XYLT1: variants seen among roughly 807,000 people sequenced by gnomAD.
XYLT1 encodes the protein xylosyltransferase 1, also known as beta-D-xylosyltransferase 1.
Under a neutral mutation model 91.3 loss-of-function variants are expected in XYLT1, and 36 were observed. The observed-to-expected ratio is 0.39, with a 90% confidence interval of 0.30 to 0.52. The LOEUF (loss-of-function observed/expected upper bound fraction) is 0.52. XYLT1 is among the 20% of genes least tolerant of loss of function. The pLI is 0.68. For synonymous variants in XYLT1, 588 were observed against 532.0 expected (o/e 1.11, Z -1.45); for missense variants, 1,242 against 1,284.5 (o/e 0.97, Z 0.51).
At chr16:17,182,615 G>T (rs960552051) in intron 5 of XYLT1, among the ~76,000 whole-genome samples, 16 of 147,118 alleles carry the variant, frequency 1.1e-4, no homozygotes, top group Non-Finnish European at 1.6e-4. Context: ...GTAGTGGAAT[G>T]ACTTGATGGT....
At chr16:17,338,170 T>G (rs2035014086) in intron 2 of XYLT1, 1 of 456,340 alleles carries the variant, frequency 2.2e-6, no homozygotes, top group African/African-American at 2.0e-5. Flanking sequence ...GAACTGAATG[T>G]CCCCTTTTCT....
chr16:17,134,621 G>A lies in XYLT1; in HGVS notation c.1879C>T (p.Leu627=). Residue 627 remains leucine, a synonymous_variant, in exon 9 of 12, where the codon CTG becomes TTG. Coordinates refer to ENST00000261381, the MANE Select transcript of XYLT1 (RefSeq NM_022166.4). ...TAGACATTCTCCCAGTAGGAGCGCA[G>A]GCCCGGGGTACCTGCAGGGTAGTTC... is the stretch of plus-strand genomic sequence containing the variant. ...YGNYPAGTPG[L]RSYWENVYDE... 1 of 1,614,236 alleles carries A rather than the reference G, an allele frequency of 6.2e-7. No individual in the cohort carries two copies. The highest frequency in any genetic ancestry group is 8.5e-7 in the Non-Finnish European group (1 of 1,180,050).
At position 17,102,808 on chromosome 16, in the gene XYLT1, T is replaced by A. The variant is rs189168057; in HGVS notation, c.*5887A>T. 2.9e-4 allele frequency: 45 copies of A among 152,770 alleles called. No homozygotes were observed. Among genetic ancestry groups the A allele is most frequent in the Non-Finnish European group, 5.9e-4 (40 of 68,034 alleles). The allele number at this position is 152,770 out of a possible 1,614,324, so 9.5% of individuals were successfully genotyped here. Reference sequence around the variant, plus strand: ...CATTACAAAATATTTCTGTACAGTTTTATGCATATTATGATCTATAACAAA... The same window carrying A: ...CATTACAAAATATTTCTGTACAGTTATATGCATATTATGATCTATAACAAA... On this transcript the variant is annotated 3_prime_UTR_variant, in exon 12 of 12. Transcript: ENST00000261381.
chr16:17,118,620 G>A (rs866285577), intron 10 of XYLT1, among the ~76,000 whole-genome samples: 7 of 152,088 alleles, frequency 4.6e-5, no homozygotes, highest in African/African-American at 1.7e-4. Flanking sequence ...CCAGCTGGGG[G>A]TGTGTGCAGC....
intron 11 of XYLT1, 139 bp from the exon 12 acceptor site, chr16:17,109,156 CT>C: frequency 1.1e-6 from 1 of 940,024 alleles, no homozygotes; most frequent in Non-Finnish European, 1.5e-6. Flanking sequence ...TGAGGAAGTT[CT>C]TTTAGCAGTC....
intron 2 of XYLT1, among the ~76,000 whole-genome samples, chr16:17,333,653 T>A (rs556589345): frequency 6.7e-6 from 1 of 149,620 alleles, no homozygotes; most frequent in South Asian, 2.1e-4. Flanking sequence ...AGTGGAGCCA[T>A]CTGGGCTCAC....
intron 11 of XYLT1, among the ~76,000 whole-genome samples, chr16:17,115,624 G>A (rs985556753): frequency 2.6e-5 from 4 of 151,254 alleles, no homozygotes; most frequent in African/African-American, 9.7e-5. Flanking sequence ...GACTATAGAC[G>A]CCGGCCACCA....
At chr16:17,149,676 T>C (rs2031235233) in intron 6 of XYLT1, among the ~76,000 whole-genome samples, 1 of 152,236 alleles carries the variant, frequency 6.6e-6, no homozygotes, top group Non-Finnish European at 1.5e-5. Context: ...TTTTCTCTAC[T>C]GGCACAAAGT....
chr16:17,438,695 T>C (rs545931398), intron 1 of XYLT1, among the ~76,000 whole-genome samples: 2 of 152,182 alleles, frequency 1.3e-5, no homozygotes, highest in African/African-American at 2.4e-5. Context: ...CTTACAATCA[T>C]GGCAGAAGGT....
intron 3 of XYLT1, among the ~76,000 whole-genome samples, chr16:17,248,689 A>C (rs1321108705): frequency 6.6e-6 from 1 of 151,656 alleles, no homozygotes; most frequent in Non-Finnish European, 1.5e-5. Flanking sequence ...TCTTAGCTCA[A>C]CTATAAAACA....
chr16:17,139,775 G>A (rs1231197079), intron 7 of XYLT1, among the ~76,000 whole-genome samples: 1 of 152,222 alleles, frequency 6.6e-6, no homozygotes, highest in African/African-American at 2.4e-5. Flanking sequence ...TGAGAGAAGA[G>A]GTGATTGATT....
At chr16:17,341,754 G>T (rs1417156349) in intron 2 of XYLT1, among the ~76,000 whole-genome samples, 1 of 152,166 alleles carries the variant, frequency 6.6e-6, no homozygotes, top group Non-Finnish European at 1.5e-5. Context: ...TTCATCATGT[G>T]CTTGTATTGC....
chr16:17,155,374 A>G (rs1484365911), intron 6 of XYLT1, among the ~76,000 whole-genome samples: 13 of 152,242 alleles, frequency 8.5e-5, no homozygotes, highest in Admixed American at 8.5e-4. Context: ...TATAATTTGC[A>G]CAGCTTGATT....
At chr16:17,200,183 G>A (rs1393151832) in intron 4 of XYLT1, among the ~76,000 whole-genome samples, 3 of 151,582 alleles carry the variant, frequency 2.0e-5, no homozygotes, top group African/African-American at 4.9e-5. Flanking sequence ...ATCATGCCAC[G>A]GCACTCCAGC....
At position 17,102,229 on chromosome 16, in the gene XYLT1, A is replaced by C. The variant is rs761053928; in HGVS notation, c.*6466T>G. ...TCCCAGTTTGGATGATAAATTATAT[A>C]GTCATCCTATCTTCACCATGCAGAT... is the stretch of plus-strand genomic sequence containing the variant. On this transcript the variant is annotated 3_prime_UTR_variant, in exon 12 of 12. Transcript: ENST00000261381. 4 of 152,564 alleles carry C rather than the reference A, an allele frequency of 2.6e-5. No homozygotes were observed. Among genetic ancestry groups the C allele is most frequent in the Non-Finnish European group, 4.4e-5 (3 of 68,048 alleles). 9.5% of individuals were successfully genotyped at this position (152,564 alleles called of 1,614,324 possible). A position where few individuals can be genotyped will look rare whatever the true frequency, so the allele number is the denominator to read the frequency against.
intron 1 of XYLT1, among the ~76,000 whole-genome samples, chr16:17,442,830 T>C (rs2036547501): frequency 2.0e-5 from 3 of 152,088 alleles, no homozygotes; most frequent in Admixed American, 1.3e-4. Flanking sequence ...AATTAGCAAC[T>C]TCATGGCTTA....
At chr16:17,159,421 C>T (rs939812815) in intron 5 of XYLT1, among the ~76,000 whole-genome samples, 1 of 152,206 alleles carries the variant, frequency 6.6e-6, no homozygotes, top group Non-Finnish European at 1.5e-5. Flanking sequence ...TATTACATCA[C>T]TCTGTTTATA....
At chr16:17,344,278 T>C (rs371108401) in intron 2 of XYLT1, among the ~76,000 whole-genome samples, 22 of 149,994 alleles carry the variant, frequency 1.5e-4, no homozygotes, top group East Asian at 3.9e-4. Flanking sequence ...GTCAGGAGAT[T>C]GAGACCATCC....
At position 17,127,154 on chromosome 16, in the gene XYLT1, C is replaced by T. The variant is rs141496036; in HGVS notation, c.2223+512G>A. ...CTGTCCATCCATCCTTCCTTCAATC[C>T]ATCATTCATCTACTCATCTAATCAT... is the stretch of plus-strand genomic sequence containing the variant. On this transcript the variant is annotated intron_variant, in intron 10 of 11. Coordinates refer to ENST00000261381, the MANE Select transcript of XYLT1 (RefSeq NM_022166.4). Among the ~76,000 whole-genome samples the T allele has an allele frequency of 5.7e-3, 870 of 152,242 alleles. 9 individuals carry two copies. The highest frequency in any genetic ancestry group is 0.019 in the African/African-American group (808 of 41,532).
Sources: allele counts gnomAD v4.1 joint callset (sites outside exome capture counted in the v4.1 genomes callset), GRCh38; gene constraint gnomAD v4.1.1; transcripts MANE v1.5; gene names NCBI Gene and HGNC (gene_info 2026-07-23, HGNC 2026-07-21).